SLC17A3: variants seen among roughly 807,000 people sequenced by gnomAD.
The protein encoded by SLC17A3 is solute carrier family 17 member 3.
SLC17A3 carries 61 observed loss-of-function variants against 60.3 expected under a neutral mutation model. The observed-to-expected ratio is 1.01, with a 90% CI of 0.82 to 1.25. The LOEUF is 1.25. SLC17A3 is among the 50% of genes most tolerant of loss of function. SLC17A3 has a pLI of 0.00. For missense variants in SLC17A3, 624 were observed against 594.9 expected, an observed-to-expected ratio of 1.05 and a Z score of -0.51; for synonymous variants, 192 against 208.9, an observed-to-expected ratio of 0.92 and a Z score of 0.70.
chr6:25,870,475 C>T (rs963935546), intron 1 of SLC17A3, among the ~76,000 whole-genome samples: 2 of 151,936 alleles, frequency 1.3e-5, no homozygotes, highest in Non-Finnish European at 2.9e-5. Context: ...GACTTTATAC[C>T]CCCTACTAGG....
intron 1 of SLC17A3, among the ~76,000 whole-genome samples, chr6:25,872,819 A>G (rs1765667031): frequency 6.6e-6 from 1 of 151,940 alleles, no homozygotes; most frequent in Admixed American, 6.6e-5. Context: ...CCCTGATTCC[A>G]TACCGATCTT....
chr6:25,871,576 A>G lies in SLC17A3; in HGVS notation c.-34+2591T>C, dbSNP rs189011731. Among the ~76,000 whole-genome samples the G allele has an allele frequency of 5.9e-3, 898 of 151,976 alleles. 10 individuals carry two copies. The highest frequency in any genetic ancestry group is 0.02 in the African/African-American group (811 of 41,460). ...TGGGTGCAGCACACCAACATGGCAC[A>G]TGTATACATATGTAACAAACCTGCA... On this transcript the variant is annotated intron_variant, in intron 1 of 12. Transcript: ENST00000397060.
intron 5 of SLC17A3, among the ~76,000 whole-genome samples, chr6:25,859,583 G>A (rs1765414322): frequency 6.6e-6 from 1 of 152,192 alleles, no homozygotes; most frequent in South Asian, 2.1e-4. Flanking sequence ...ATGGCAGTTA[G>A]TTAGTTCTTT....
rs1486709882 is a variant in SLC17A3 at position 25,868,338 on chromosome 6, G to C, written c.50C>G (p.Ala17Gly). 1 of 1,612,092 alleles carries C rather than the reference G, an allele frequency of 6.2e-7. No homozygotes were observed. The highest frequency in any genetic ancestry group is 8.5e-7 in the Non-Finnish European group (1 of 1,178,782). The stretch of plus-strand genomic sequence containing the variant: ...TGTCTCATCCACTTGCATATCTTGT[G>C]CGTTCTTGCTCTCCCTTGCTGTGGG... The part of the protein sequence containing the change: ...LSPTARESKN[A>G]QDMQVDETLI... Residue 17 changes from alanine (A) to glycine (G), a missense_variant, in exon 2 of 13, where the codon GCA (alanine) becomes GGA (glycine). Transcript: ENST00000397060.
intron 1 of SLC17A3, among the ~76,000 whole-genome samples, chr6:25,871,968 G>T (rs633615): frequency 0.014 from 2,184 of 152,068 alleles, 59 homozygotes; most frequent in African/African-American, 0.05. Context: ...TTCTCAGAAA[G>T]AATAGTGCAC....
In SLC17A3 at chr6:25,850,035, G is replaced by T. The variant is rs1326653704; in HGVS notation, c.1123+13C>A. 6.2e-7 allele frequency: 1 copy of T among 1,613,802 alleles called. No homozygotes were observed. Among genetic ancestry groups the T allele is most frequent in the African/African-American group, 1.3e-5 (1 of 74,918 alleles). On this transcript the variant is annotated intron_variant, in intron 9 of 12. Transcript: ENST00000397060. ...GCTACGCAAATTATCTGACCCTCAA[G>T]CTCTGTTCTTACCTAAAATTGTGGC...
chr6:25,862,314 G>T lies in SLC17A3; in HGVS notation c.222C>A (p.Ser74=). Reference sequence around the variant, plus strand: ...GCACCTCAGAGGAATCATTGAGCTGGGATTGAGGGCTTGTGCTGTTGACCA... The same window carrying T: ...GCACCTCAGAGGAATCATTGAGCTGTGATTGAGGGCTTGTGCTGTTGACCA... ...VAMVNSTSPQ[S]QLNDSSEVLP... is the part of the protein sequence containing the mutation. The change falls in exon 3 of 13, where the codon TCC becomes TCA. Residue 74 remains serine, a synonymous_variant. Transcript: ENST00000397060. 6.2e-7 allele frequency: 1 copy of T among 1,613,820 alleles called. No individual in the cohort carries two copies. The highest frequency in any genetic ancestry group is 8.5e-7 in the Non-Finnish European group (1 of 1,179,820).
chr6:25,862,493 A>T, intron 2 of SLC17A3, 49 bp from the exon 3 acceptor site: 1 of 1,449,832 alleles, frequency 6.9e-7, no homozygotes, highest in Non-Finnish European at 9.7e-7. Context: ...TTGAGCTAAC[A>T]TTAGTTTTTC....
intron 9 of SLC17A3, 41 bp from the exon 10 acceptor site, chr6:25,849,993 T>C: frequency 6.2e-7 from 1 of 1,613,992 alleles, no homozygotes; most frequent in East Asian, 2.2e-5. Context: ...GTGAGATGCA[T>C]TCTTTGGCTG....
chr6:25,869,700 A>G (rs1765606193), intron 1 of SLC17A3, among the ~76,000 whole-genome samples: 1 of 151,948 alleles, frequency 6.6e-6, no homozygotes, highest in South Asian at 2.1e-4. Flanking sequence ...ATCAGAACTC[A>G]TAAGACTTCT....
In SLC17A3 at chr6:25,850,600, A is replaced by C; in HGVS notation, c.852T>G (p.Pro284=). ...LKQQVGSSKQ[P]LPIKAMLRSL... ...ATCTGAGCATAGCTTTGATGGGAAG[A>C]GGCTGCTTAGAAGACCCGACCTGAA... The change falls in exon 8 of 13, where the codon CCT becomes CCG. Residue 284 remains proline (P), a synonymous_variant. Transcript: ENST00000397060. 1 of 1,614,056 alleles carries C rather than the reference A, an allele frequency of 6.2e-7. No homozygotes were observed. The highest frequency in any genetic ancestry group is 8.5e-7 in the Non-Finnish European group (1 of 1,179,932).
At chr6:25,860,983 G>A (rs570764888) in intron 5 of SLC17A3, among the ~76,000 whole-genome samples, 1 of 152,184 alleles carries the variant, frequency 6.6e-6, no homozygotes, top group African/African-American at 2.4e-5. Context: ...GACTTGAAGG[G>A]TCCCTGGCTT....
chr6:25,845,635 G>T, intron 11 of SLC17A3, 119 bp from the exon 12 acceptor site: 1 of 1,171,816 alleles, frequency 8.5e-7, no homozygotes, highest in Non-Finnish European at 1.3e-6. Flanking sequence ...TTCATTTCCT[G>T]AAAGTGGCTT....
rs1267002203 is a variant in SLC17A3 at position 25,850,880 on chromosome 6, G to A, written c.713-3C>T. On this transcript the variant is annotated splice_region_variant and splice_polypyrimidine_tract_variant and intron_variant, in intron 6 of 12. Coordinates refer to ENST00000397060, the MANE Select transcript of SLC17A3 (RefSeq NM_001098486.2). ...GCAGCAGACACAGCCAACACCTCCT[G>A]TAAGCACAGGGTAAATTTGGTAAAT... The A allele has an allele frequency of 1.9e-6, 3 of 1,611,360 alleles. No individual in the cohort carries two copies. The highest frequency in any genetic ancestry group is 2.5e-6 in the Non-Finnish European group (3 of 1,177,472).
rs762273158 is a variant in SLC17A3 at position 25,849,951 on chromosome 6, T to A, written c.1125A>T (p.Gly375=). 4 of 1,613,928 alleles carry A rather than the reference T, an allele frequency of 2.5e-6. No individual in the cohort carries two copies. Among genetic ancestry groups the A allele is most frequent in the Non-Finnish European group, 3.4e-6 (4 of 1,179,866 alleles). ...CAATGAGTGCTGAAGAGGGGAGACT[T>A]CCTAGGAAATGAAGAAGAAACCAAT... is the stretch of plus-strand genomic sequence containing the variant. ...ITVRKIATIL[G]SLPSSALIVS... The change falls in exon 10 of 13, where the codon GGA becomes GGT. Residue 375 remains glycine (G), a splice_region_variant and synonymous_variant. Coordinates refer to ENST00000397060, the MANE Select transcript of SLC17A3 (RefSeq NM_001098486.2).
At chr6:25,854,437 A>C (rs755913716) in intron 6 of SLC17A3, among the ~76,000 whole-genome samples, 32 of 152,276 alleles carry the variant, frequency 2.1e-4, no homozygotes, top group South Asian at 1.2e-3. Context: ...CTCTTGATTA[A>C]TGTTTCCATG....
Position 25,868,435 on chromosome 6 carries a change from T to C in SLC17A3, c.-33-15A>G, listed in dbSNP as rs374854866. Reference sequence around the variant, plus strand: ...ATGGTTTTCACCTATCAGGGAGATATGTAATTCACATGCATCAGTTGAGAG... The same window carrying C: ...ATGGTTTTCACCTATCAGGGAGATACGTAATTCACATGCATCAGTTGAGAG... On this transcript the variant is annotated splice_polypyrimidine_tract_variant and intron_variant, in intron 1 of 12. Transcript: ENST00000397060. 27 of 1,448,580 alleles carry C rather than the reference T, an allele frequency of 1.9e-5. 1 individual carries two copies. In the African/African-American group the frequency reaches 2.2e-4, roughly 12 times the overall value. The allele number at this position is 1,448,580 out of a possible 1,614,324, so 89.7% of individuals were successfully genotyped here. A position where few individuals can be genotyped will look rare whatever the true frequency, so the allele number is the denominator to read the frequency against.
At chr6:25,859,322 G>A (rs902190398) in intron 5 of SLC17A3, among the ~76,000 whole-genome samples, 1 of 152,196 alleles carries the variant, frequency 6.6e-6, no homozygotes, top group African/African-American at 2.4e-5. Flanking sequence ...GGGAAGCACT[G>A]AAGTTTGTGA....
chr6:25,872,805 C>T (rs748123016), intron 1 of SLC17A3, among the ~76,000 whole-genome samples: 3 of 151,918 alleles, frequency 2.0e-5, no homozygotes, highest in East Asian at 1.9e-4. Context: ...GACAGGTCAA[C>T]GTCCCCTGAT....
Sources: allele counts gnomAD v4.1 joint callset (sites outside exome capture counted in the v4.1 genomes callset), GRCh38; gene constraint gnomAD v4.1.1; transcripts MANE v1.5; gene names NCBI Gene and HGNC (gene_info 2026-07-23, HGNC 2026-07-21).